Variants in HGD observed in about 807,000 individuals in gnomAD.
HGD encodes homogentisate 1,2-dioxygenase.
In HGD, 61 loss-of-function variants were observed where a neutral mutation model predicts 60.8. The ratio of observed to expected loss-of-function variants is 1.00; its 90% confidence interval spans 0.82 to 1.24. The LOEUF (loss-of-function observed/expected upper bound fraction) is 1.24. Among genes scored for constraint, HGD ranks in the 50% most tolerant of loss-of-function variants. The pLI is 0.00. For missense variants in HGD, 542 were observed against 547.1 expected (o/e 0.99, Z 0.09); for synonymous variants, 212 against 187.7 (o/e 1.13, Z -1.06).
At chr3:120,661,930 T>C (rs1486806352) in intron 4 of HGD, among the ~76,000 whole-genome samples, 1 of 152,206 alleles carries the variant, frequency 6.6e-6, no homozygotes, top group Non-Finnish European at 1.5e-5. Context: ...CAGATGAAGA[T>C]GATAGAGACA....
chr3:120,647,741 A>G, intron 7 of HGD, 136 bp downstream of exon 7: 4 of 793,168 alleles, frequency 5.0e-6, no homozygotes, highest in Admixed American at 3.7e-5. Flanking sequence ...TGGCCTCTAG[A>G]CCTCAGTCTC....
Position 120,646,981 on chromosome 3 carries a change from C to T in HGD, c.541G>A (p.Val181Ile), listed in dbSNP as rs368256121. 1.9e-5 allele frequency: 30 copies of T among 1,613,308 alleles called. No individual in the cohort carries two copies. Among genetic ancestry groups the T allele is most frequent in the African/African-American group, 2.7e-5 (2 of 74,878 alleles). The change falls in exon 8 of 14, where the codon GTC becomes ATC. Residue 181 changes from valine to isoleucine, a missense_variant. Val to Ile is a conservative substitution (Grantham distance 29, BLOSUM62 3). Coordinates refer to ENST00000283871, the MANE Select transcript of HGD (RefSeq NM_000187.4). ...KMLVQPNEIC[V>I]IQRGMRFSID... ...GGGGACACATCACCAACCTGAATGA[C>T]GCAGATCTCATTGGGCTGTACAAGC...
At chr3:120,647,289 G>T (rs905731642) in intron 7 of HGD, among the ~76,000 whole-genome samples, 1 of 152,148 alleles carries the variant, frequency 6.6e-6, no homozygotes, top group African/African-American at 2.4e-5. Context: ...ACTTGTATAT[G>T]CACAATTTTG....
chr3:120,648,031 G>T, intron 6 of HGD, 120 bp from the exon 7 acceptor site: 1 of 838,016 alleles, frequency 1.2e-6, no homozygotes, highest in Non-Finnish European at 2.1e-6. Context: ...GTATAAAATG[G>T]GGAGCAAAAT....
intron 1 of HGD, among the ~76,000 whole-genome samples, chr3:120,677,134 C>G (rs370768542): frequency 1.3e-5 from 2 of 152,170 alleles, no homozygotes; most frequent in East Asian, 1.9e-4. Flanking sequence ...CCTCAGGACC[C>G]TGTAATAATT....
At position 120,675,792 on chromosome 3, in the gene HGD, C is replaced by G. The variant is rs767692484; in HGVS notation, c.87G>C (p.Gln29His). Residue 29 changes from glutamine (Q) to histidine (H), a missense_variant and splice_region_variant, in exon 2 of 14, where the codon CAG becomes CAC. Physicochemically the swap from Gln to His is conservative, Grantham distance 24 (BLOSUM62 0). Around this residue, in one of 2 missense-constraint regions of HGD, gnomAD observed 537 missense variants for 529.1 expected, o/e 1.01. Transcript: ENST00000283871. Reference sequence around the variant, plus strand: ...TTCTAAGCACTTTATTTGCTCATACCTGTCCTTCTGGCAGGGAACCTGGGC... The same window carrying G: ...TTCTAAGCACTTTATTTGCTCATACGTGTCCTTCTGGCAGGGAACCTGGGC... The part of the protein sequence containing the change: ...PRCPGSLPEG[Q>H]NNPQVCPYNL... 1.2e-6 allele frequency: 2 copies of G among 1,612,114 alleles called. No homozygotes were observed. Among genetic ancestry groups the G allele is most frequent in the Non-Finnish European group, 1.7e-6 (2 of 1,178,314 alleles).
At chr3:120,673,085 C>T (rs917647530) in intron 3 of HGD, among the ~76,000 whole-genome samples, 5 of 152,072 alleles carry the variant, frequency 3.3e-5, no homozygotes, top group African/African-American at 1.2e-4. Flanking sequence ...AAGACTGGTC[C>T]CATTTTCCCA....
At chr3:120,662,890 ATTAAAC>A (rs1251621206) in intron 4 of HGD, among the ~76,000 whole-genome samples, 6 of 152,198 alleles carry the variant, frequency 3.9e-5, no homozygotes, top group Non-Finnish European at 8.8e-5. Flanking sequence ...TACAGGAATA[ATTAAAC>A]TTAAATGAGG....
rs965074865 is a variant in HGD at position 120,655,029 on chromosome 3, C to T, written c.283-2378G>A. 1.6e-4 allele frequency among the ~76,000 whole-genome samples: 24 copies of T among 152,256 alleles called. 3 individuals are homozygous for T. Among genetic ancestry groups the T allele is most frequent in the Admixed American group, 1.4e-3 (22 of 15,296 alleles). On this transcript the variant is annotated intron_variant, in intron 4 of 13. Coordinates refer to ENST00000283871, the MANE Select transcript of HGD (RefSeq NM_000187.4). ...GAGGTTGCAGTGAGCCAAGACCTCACCATTGCACTCCAGCTTGGGTGACAG... is the reference window on the plus strand; with the variant it reads ...GAGGTTGCAGTGAGCCAAGACCTCATCATTGCACTCCAGCTTGGGTGACAG...
Position 120,652,573 on chromosome 3 carries a change from G to A in HGD, c.342+19C>T. On this transcript the variant is annotated intron_variant, in intron 5 of 13. Transcript: ENST00000283871. ...AAGAGAGGAGAGCAGTAGGGAGGGT[G>A]TGGATGGGACTGACTTACACTCACA... 1.3e-6 allele frequency: 2 copies of A among 1,590,094 alleles called. No individual in the cohort carries two copies. Among genetic ancestry groups the A allele is most frequent in the Admixed American group, 1.7e-5 (1 of 59,980 alleles).
intron 10 of HGD, 59 bp downstream of exon 10, chr3:120,644,260 T>C (rs1941086072): frequency 4.4e-6 from 7 of 1,606,264 alleles, no homozygotes; most frequent in Non-Finnish European, 5.1e-6. Context: ...GCCTTGGCAA[T>C]CAGTAAGTGC....
chr3:120,670,234 T>C, intron 4 of HGD, 193 bp downstream of exon 4: 1 of 609,702 alleles, frequency 1.6e-6, no homozygotes, highest in South Asian at 2.0e-5. Context: ...GTCTTGGTTA[T>C]TTTTTCATAG....
At chr3:120,643,372 C>T (rs1468469060) in intron 10 of HGD, among the ~76,000 whole-genome samples, 1 of 152,220 alleles carries the variant, frequency 6.6e-6, no homozygotes, top group Non-Finnish European at 1.5e-5. Context: ...GATCCGCCTG[C>T]CTTGGCCTCC....
chr3:120,661,640 A>T (rs933167260), intron 4 of HGD, among the ~76,000 whole-genome samples: 2 of 152,238 alleles, frequency 1.3e-5, no homozygotes, highest in African/African-American at 2.4e-5. Context: ...AAAATAAGAG[A>T]TATAAGCAAT....
At position 120,628,190 on chromosome 3, in the gene HGD, G is replaced by T; in HGVS notation, c.*190C>A. ...CACTACGTCCACAGAACACCAGCAA[G>T]TTTATTGAGTAATTAAGGTGACAGC... On this transcript the variant is annotated 3_prime_UTR_variant, in exon 14 of 14. Transcript: ENST00000283871. 1.6e-6 allele frequency: 1 copy of T among 636,588 alleles called. No homozygotes were observed. The allele number at this position is 636,588 out of a possible 1,614,324, so 39.4% of individuals were successfully genotyped here.
At chr3:120,672,607 C>G (rs1708047898) in intron 3 of HGD, among the ~76,000 whole-genome samples, 1 of 152,154 alleles carries the variant, frequency 6.6e-6, no homozygotes, top group African/African-American at 2.4e-5. Flanking sequence ...GACCTCAGAC[C>G]TTGGTCTTAC....
chr3:120,667,326 CA>C (rs71133514), intron 4 of HGD, among the ~76,000 whole-genome samples: 10,157 of 60,050 alleles, frequency 0.17, 103 homozygotes, highest in South Asian at 0.22. Context: ...ACTCTTGTCT[CA>C]AAAAAAAAAA....
chr3:120,630,798 TTATATATATA>T (rs61375071), intron 13 of HGD, among the ~76,000 whole-genome samples: 933 of 88,008 alleles, frequency 0.011, 47 homozygotes, highest in African/African-American at 0.054. Flanking sequence ...CTTAAGAGCT[TTATATATATA>T]TATATATATA....
intron 6 of HGD, among the ~76,000 whole-genome samples, chr3:120,649,924 C>T (rs539877725): frequency 2.0e-5 from 3 of 152,170 alleles, no homozygotes; most frequent in Admixed American, 2.0e-4. Context: ...CACCAATCCA[C>T]CACCCACAAA....
Sources: allele counts gnomAD v4.1 joint callset (sites outside exome capture counted in the v4.1 genomes callset), GRCh38; gene constraint gnomAD v4.1.1; regional missense constraint gnomAD v4.1.1; transcripts MANE v1.5; gene names NCBI Gene and HGNC (gene_info 2026-07-23, HGNC 2026-07-21).